The following PTPRM variants were observed in gnomAD, a reference collection of about 807,000 sequenced individuals.
The protein encoded by PTPRM is receptor-type tyrosine-protein phosphatase mu.
Under a neutral mutation model 186.7 loss-of-function variants are expected in PTPRM, and 47 were observed. The ratio of observed to expected loss-of-function variants is 0.25; its 90% CI spans 0.20 to 0.32. The LOEUF (loss-of-function observed/expected upper bound fraction) is 0.32. Among genes scored for constraint, PTPRM ranks in the 10% least tolerant of loss-of-function variants. The probability of loss-of-function intolerance (pLI) is 1.00; values close to 1 mark genes in which losing one functional copy is unlikely to be tolerated. For missense variants in PTPRM, 1,494 were observed against 1,865.0 expected, an observed-to-expected ratio of 0.80 and a Z score of 3.66; for synonymous variants, 668 against 674.9, an observed-to-expected ratio of 0.99 and a Z score of 0.16.
chr18:7,938,871 G>A lies in PTPRM; in HGVS notation c.664-10310G>A, dbSNP rs1032400799. 2.0e-5 allele frequency among the ~76,000 whole-genome samples: 3 copies of A among 152,156 alleles called. 1 individual carries two copies. The highest frequency in any genetic ancestry group is 4.1e-4 in the South Asian group (2 of 4,820). The stretch of plus-strand genomic sequence containing the variant: ...GTATATTCATTAGCCAACTTAACGT[G>A]TGCTTGTCAATATATATTGCTAGCA... On this transcript the variant is annotated intron_variant, in intron 5 of 32. Coordinates refer to ENST00000580170, the MANE Select transcript of PTPRM (RefSeq NM_001105244.2).
At chr18:8,210,837 G>A (rs59945947) in intron 14 of PTPRM, among the ~76,000 whole-genome samples, 6,043 of 152,262 alleles carry the variant, frequency 0.04, 372 homozygotes, top group African/African-American at 0.14. Flanking sequence ...GCAAACTGAA[G>A]GCATTGCCAG....
intron 1 of PTPRM, among the ~76,000 whole-genome samples, chr18:7,687,844 C>T (rs1440597119): frequency 6.7e-6 from 1 of 149,332 alleles, no homozygotes; most frequent in Non-Finnish European, 1.5e-5. Context: ...GTGGTGCAAT[C>T]TCGGCTCACT....
At chr18:7,632,700 A>G (rs1420413848) in intron 1 of PTPRM, among the ~76,000 whole-genome samples, 1 of 152,218 alleles carries the variant, frequency 6.6e-6, no homozygotes, top group Non-Finnish European at 1.5e-5. Context: ...CTGATAAATG[A>G]TCTAAGGCAA....
chr18:7,913,407 T>G (rs533647534), intron 4 of PTPRM, among the ~76,000 whole-genome samples: 94 of 152,336 alleles, frequency 6.2e-4, no homozygotes, highest in Middle Eastern at 3.4e-3. Flanking sequence ...ACTGCTTGTC[T>G]TGTTCCTCAT....
At position 8,113,769 on chromosome 18, in the gene PTPRM, A is replaced by C; in HGVS notation, c.2130+10A>C. ...TAGTAGAGCCAATGGGGTAAGTTGT[A>C]CAGATAACTGTTTACTTAGGCTATT... On this transcript the variant is annotated intron_variant, in intron 12 of 32. Coordinates refer to ENST00000580170, the MANE Select transcript of PTPRM (RefSeq NM_001105244.2). 1 of 1,604,652 alleles carries C rather than the reference A, an allele frequency of 6.2e-7. No individual in the cohort carries two copies. The highest frequency in any genetic ancestry group is 1.7e-5 in the Admixed American group (1 of 59,442).
intron 7 of PTPRM, among the ~76,000 whole-genome samples, chr18:8,034,424 T>C (rs1403678319): frequency 6.6e-6 from 1 of 152,126 alleles, no homozygotes; most frequent in African/African-American, 2.4e-5. Context: ...GTGTGATCCA[T>C]CTGTGGGCAA....
intron 7 of PTPRM, among the ~76,000 whole-genome samples, chr18:8,005,621 C>T (rs1004494952): frequency 2.0e-5 from 3 of 152,144 alleles, no homozygotes; most frequent in African/African-American, 7.2e-5. Flanking sequence ...AGACTCTTGG[C>T]CCCACCTCCA....
At chr18:7,610,394 G>A (rs1247882650) in intron 1 of PTPRM, among the ~76,000 whole-genome samples, 1 of 151,776 alleles carries the variant, frequency 6.6e-6, no homozygotes, top group East Asian at 1.9e-4. Flanking sequence ...CTAGTATTAA[G>A]TCAGTGTTTC....
At position 8,088,831 on chromosome 18, in the gene PTPRM, C is replaced by G. The variant is rs1343269116; in HGVS notation, c.1836C>G (p.His612Gln). The G allele has an allele frequency of 3.1e-6, 5 of 1,611,060 alleles. No homozygotes were observed. Among genetic ancestry groups the G allele is most frequent in the Non-Finnish European group, 3.4e-6 (4 of 1,177,598 alleles). Residue 612 changes from histidine to glutamine, a missense_variant, in exon 11 of 33, where the codon CAC (histidine) becomes CAG (glutamine). Physicochemically the swap from His to Gln is conservative, Grantham distance 24. Around this residue, in one of 3 missense-constraint regions of PTPRM, gnomAD observed 1,107 missense variants for 1,350.2 expected, o/e 0.82. Transcript: ENST00000580170. ...NTVTVMLKPA[H>Q]SRGAPVSVYQ... ...TGACAGTCATGCTGAAACCTGCCCA[C>G]AGCAGAGGAGCACCTGTCAGGTATG...
At chr18:7,988,853 A>G (rs576168970) in intron 7 of PTPRM, among the ~76,000 whole-genome samples, 6 of 152,104 alleles carry the variant, frequency 3.9e-5, no homozygotes, top group Non-Finnish European at 7.3e-5. Flanking sequence ...GATTATTTTG[A>G]ATAATGCTAC....
chr18:8,155,051 AT>A (rs2093091283), intron 14 of PTPRM: 1 of 152,224 alleles, frequency 6.6e-6, no homozygotes, highest in Admixed American at 6.5e-5. Context: ...TACAAAATAA[AT>A]GTTTTATACA....
intron 1 of PTPRM, among the ~76,000 whole-genome samples, chr18:7,689,638 T>C (rs2039690209): frequency 1.3e-5 from 2 of 152,200 alleles, no homozygotes; most frequent in African/African-American, 4.8e-5. Flanking sequence ...GGTAATTAAT[T>C]GAATGAGCAG....
At chr18:7,861,428 A>C (rs1044207983) in intron 2 of PTPRM, among the ~76,000 whole-genome samples, 1 of 152,222 alleles carries the variant, frequency 6.6e-6, no homozygotes, top group Non-Finnish European at 1.5e-5. Context: ...ATTTGAATGC[A>C]ATCTGGCTTA....
chr18:8,343,639 C>T (rs2095487490), intron 23 of PTPRM, 119 bp downstream of exon 23: 1 of 736,670 alleles, frequency 1.4e-6, no homozygotes, highest in Non-Finnish European at 2.2e-6. Flanking sequence ...TTAACTACTC[C>T]AGCTCCTCCT....
intron 1 of PTPRM, among the ~76,000 whole-genome samples, chr18:7,752,372 A>G (rs766902536): frequency 6.6e-6 from 1 of 152,138 alleles, no homozygotes; most frequent in Non-Finnish European, 1.5e-5. Context: ...AAAAATTTCT[A>G]TAATTTCAAA....
chr18:7,599,026 CT>C (rs146405666), intron 1 of PTPRM, among the ~76,000 whole-genome samples: 4,956 of 152,196 alleles, frequency 0.033, 267 homozygotes, highest in African/African-American at 0.11. Context: ...CCCAAACACA[CT>C]GTGGCCTTCT....
intron 5 of PTPRM, among the ~76,000 whole-genome samples, chr18:7,935,974 A>C (rs1201169437): frequency 2.0e-5 from 3 of 152,186 alleles, no homozygotes; most frequent in Admixed American, 6.5e-5. Flanking sequence ...CATTCTGGGA[A>C]AGCCTTCTTT....
intron 13 of PTPRM, among the ~76,000 whole-genome samples, chr18:8,133,370 T>C (rs2092560345): frequency 6.6e-6 from 1 of 152,166 alleles, no homozygotes; most frequent in Non-Finnish European, 1.5e-5. Flanking sequence ...CCTTCTTTCT[T>C]AGCATGTGAG....
chr18:8,236,742 A>G (rs2094349957), intron 14 of PTPRM, among the ~76,000 whole-genome samples: 1 of 152,004 alleles, frequency 6.6e-6, no homozygotes, highest in Non-Finnish European at 1.5e-5. Context: ...GGGTTTCACC[A>G]TGTTGCCCAG....
Sources: allele counts gnomAD v4.1 joint callset (sites outside exome capture counted in the v4.1 genomes callset), GRCh38; gene constraint gnomAD v4.1.1; regional missense constraint gnomAD v4.1.1; transcripts MANE v1.5; gene names NCBI Gene and HGNC (gene_info 2026-07-23, HGNC 2026-07-21).